BMP6: variants seen among roughly 807,000 people sequenced by gnomAD.
BMP6 encodes the protein VG-1-R.
BMP6 carries 17 observed loss-of-function variants against 54.1 expected under a neutral mutation model. The ratio of observed to expected loss-of-function variants is 0.31; its 90% confidence interval spans 0.22 to 0.47. The LOEUF (loss-of-function observed/expected upper bound fraction) is 0.47. BMP6 is among the 20% of genes least tolerant of loss of function. The pLI is 1.00. For synonymous variants in BMP6, 328 were observed against 291.2 expected (o/e 1.13, Z -1.28); for missense variants, 720 against 690.4 (o/e 1.04, Z -0.48).
intron 1 of BMP6, among the ~76,000 whole-genome samples, chr6:7,788,904 T>G (rs1758055359): frequency 6.6e-6 from 1 of 151,796 alleles, no homozygotes; most frequent in African/African-American, 2.4e-5. Context: ...GTTCTGTGCT[T>G]TGCTCTCCAA....
chr6:7,877,817 A>G (rs1759645418), intron 4 of BMP6, among the ~76,000 whole-genome samples: 1 of 152,170 alleles, frequency 6.6e-6, no homozygotes, highest in Admixed American at 6.5e-5. Context: ...GACATCCCAC[A>G]TTAGATGACC....
At chr6:7,874,874 G>A (rs929748802) in intron 4 of BMP6, among the ~76,000 whole-genome samples, 8 of 152,102 alleles carry the variant, frequency 5.3e-5, no homozygotes, top group Non-Finnish European at 1.0e-4. Context: ...TAGCTAGTCC[G>A]GGTTTTTACT....
At chr6:7,784,268 T>C (rs141333016) in intron 1 of BMP6, among the ~76,000 whole-genome samples, 1 of 151,616 alleles carries the variant, frequency 6.6e-6, no homozygotes, top group African/African-American at 2.4e-5. Context: ...TTATGACTTA[T>C]CTTCTTGTAC....
intron 4 of BMP6, among the ~76,000 whole-genome samples, chr6:7,878,773 C>T (rs756837976): frequency 6.6e-6 from 1 of 152,222 alleles, no homozygotes; most frequent in Non-Finnish European, 1.5e-5. Context: ...CTGGGCAAGT[C>T]GGCCCACGCC....
chr6:7,750,439 A>C (rs1011779134), intron 1 of BMP6, among the ~76,000 whole-genome samples: 1 of 152,232 alleles, frequency 6.6e-6, no homozygotes, highest in African/African-American at 2.4e-5. Context: ...AGCCGAGCAG[A>C]TATTTTTATT....
intron 1 of BMP6, among the ~76,000 whole-genome samples, chr6:7,728,570 T>C (rs1172636162): frequency 6.6e-6 from 1 of 152,134 alleles, no homozygotes; most frequent in Non-Finnish European, 1.5e-5. Flanking sequence ...AGAAGACTCT[T>C]TTCTTCGGAG....
At chr6:7,744,643 A>T (rs55837820) in intron 1 of BMP6, among the ~76,000 whole-genome samples, 12,676 of 152,202 alleles carry the variant, frequency 0.083, 622 homozygotes, top group Admixed American at 0.12. Context: ...CACCACTGTA[A>T]CCCAAACCTC....
intron 1 of BMP6, among the ~76,000 whole-genome samples, chr6:7,815,524 C>T (rs1464061647): frequency 6.6e-6 from 1 of 152,162 alleles, no homozygotes; most frequent in Non-Finnish European, 1.5e-5. Flanking sequence ...CCTACTGTTA[C>T]TTTTGCTAAG....
chr6:7,760,563 T>A (rs1415172261), intron 1 of BMP6, among the ~76,000 whole-genome samples: 3 of 152,074 alleles, frequency 2.0e-5, no homozygotes, highest in Non-Finnish European at 4.4e-5. Context: ...ACCTCCCGGG[T>A]TCCAGCAATT....
rs759273978 is a variant in BMP6, at chr6:7,727,347, C to T, written c.392C>T (p.Ser131Phe). The change falls in exon 1 of 7, where the codon TCC (serine) becomes TTC (phenylalanine). Residue 131 changes from serine to phenylalanine, a missense_variant. Physicochemically the swap from Ser to Phe is radical, Grantham distance 155 (BLOSUM62 -2). Coordinates refer to ENST00000283147, the MANE Select transcript of BMP6 (RefSeq NM_001718.6). Reference protein sequence around the residue: ...RGEPPPGRLKSAPLFMLDLYN... With the variant: ...RGEPPPGRLKFAPLFMLDLYN... The stretch of plus-strand genomic sequence containing the variant: ...GAGCCCCCTCCCGGGCGACTGAAGT[C>T]CGCGCCCCTCTTCATGCTGGATCTG... 25 of 1,609,860 alleles carry T rather than the reference C, an allele frequency of 1.6e-5. No individual in the cohort carries two copies. The highest frequency in any genetic ancestry group is 2.7e-5 in the African/African-American group (2 of 74,696).
chr6:7,735,072 A>C (rs1007686546), intron 1 of BMP6, among the ~76,000 whole-genome samples: 1 of 152,208 alleles, frequency 6.6e-6, no homozygotes, highest in Non-Finnish European at 1.5e-5. Context: ...CACGGGGGGA[A>C]GTGGAGTGGA....
chr6:7,833,308 C>T (rs1758818932), intron 1 of BMP6, among the ~76,000 whole-genome samples: 1 of 152,158 alleles, frequency 6.6e-6, no homozygotes, highest in Non-Finnish European at 1.5e-5. Flanking sequence ...ATTTAAATAG[C>T]TCCCCGTGCC....
At chr6:7,868,553 A>G (rs527420587) in intron 4 of BMP6, among the ~76,000 whole-genome samples, 30 of 152,360 alleles carry the variant, frequency 2.0e-4, no homozygotes, top group Non-Finnish European at 3.7e-4. Context: ...CAGAGGTGCC[A>G]CTTTAACGAC....
intron 1 of BMP6, among the ~76,000 whole-genome samples, chr6:7,739,439 G>A (rs993035089): frequency 6.6e-6 from 1 of 151,952 alleles, no homozygotes; most frequent in African/African-American, 2.4e-5. Flanking sequence ...TTTCTTTATG[G>A]CCTTTTGCCT....
chr6:7,744,370 G>C (rs535693971), intron 1 of BMP6, among the ~76,000 whole-genome samples: 34 of 152,194 alleles, frequency 2.2e-4, no homozygotes, highest in African/African-American at 6.0e-4. Flanking sequence ...CAGCTACTCG[G>C]GAGGTTGAGG....
intron 1 of BMP6, among the ~76,000 whole-genome samples, chr6:7,791,486 A>G (rs1758106402): frequency 6.6e-6 from 1 of 152,060 alleles, no homozygotes; most frequent in Non-Finnish European, 1.5e-5. Context: ...TTTTTCAGGC[A>G]CTGTCCTTGG....
At chr6:7,878,473 GTTAT>G (rs1759656777) in intron 4 of BMP6, among the ~76,000 whole-genome samples, 2 of 152,148 alleles carry the variant, frequency 1.3e-5, no homozygotes, top group South Asian at 4.1e-4. Context: ...CTGGCTTAGT[GTTAT>G]TGCATCAGCA....
At chr6:7,747,429 G>T (rs1480777944) in intron 1 of BMP6, among the ~76,000 whole-genome samples, 3 of 152,188 alleles carry the variant, frequency 2.0e-5, no homozygotes, top group African/African-American at 7.2e-5. Flanking sequence ...GAAGATGGAG[G>T]AAGGGGTCCC....
At chr6:7,792,836 G>A (rs918041268) in intron 1 of BMP6, among the ~76,000 whole-genome samples, 3 of 152,200 alleles carry the variant, frequency 2.0e-5, no homozygotes, top group Admixed American at 2.0e-4. Context: ...CTGCAAGAGG[G>A]AAACCAAAGA....
Sources: gnomAD v4.1 joint callset for allele counts (sites outside exome capture counted in the v4.1 genomes callset) on GRCh38, gnomAD v4.1.1 for gene constraint, MANE v1.5 for transcripts, NCBI Gene and HGNC (gene_info 2026-07-23, HGNC 2026-07-21) for gene names.